Variants in MYRIP observed in about 807,000 individuals in gnomAD.
MYRIP encodes the protein rab effector MyRIP.
A neutral mutation model predicts 98.0 loss-of-function variants in MYRIP; 49 were observed. That is an observed-to-expected ratio of 0.50 (90% CI 0.40 to 0.63). MYRIP has a LOEUF of 0.63. MYRIP is among the 30% of genes least tolerant of loss of function. The pLI is 0.00. For missense variants in MYRIP, 1,004 were observed against 1,058.2 expected (o/e 0.95, Z 0.71); for synonymous variants, 404 against 409.5 (o/e 0.99, Z 0.16).
At chr3:40,017,306 A>G (rs1559562111) in intron 2 of MYRIP, among the ~76,000 whole-genome samples, 3 of 152,188 alleles carry the variant, frequency 2.0e-5, no homozygotes, top group Non-Finnish European at 4.4e-5. Context: ...GACCACTACA[A>G]AACGATGAGT....
intron 2 of MYRIP, among the ~76,000 whole-genome samples, chr3:40,040,105 T>G (rs1200178992): frequency 1.3e-5 from 2 of 152,180 alleles, no homozygotes; most frequent in Non-Finnish European, 2.9e-5. Context: ...ATAAGACCCC[T>G]TTTCCAAATA....
At chr3:39,992,757 T>C (rs560233069) in intron 2 of MYRIP, among the ~76,000 whole-genome samples, 116 of 152,304 alleles carry the variant, frequency 7.6e-4, no homozygotes, top group Non-Finnish European at 1.2e-3. Context: ...ATCTTCTTGT[T>C]TATGGTCCTT....
Position 39,934,311 on chromosome 3 carries a change from T to C in MYRIP, c.110+33385T>C, listed in dbSNP as rs540844479. 3.3e-5 allele frequency among the ~76,000 whole-genome samples: 5 copies of C among 152,286 alleles called. No individual in the cohort carries two copies. In the South Asian group the frequency reaches 1.0e-3, roughly 32 times the overall value. ...AGCTAAGGAGGGCAGAAGAAGCAGA[T>C]GTGATAGGCTTTGTTTTTCATGTCT... On this transcript the variant is annotated intron_variant, in intron 2 of 16. Transcript: ENST00000302541.
chr3:39,877,894 A>G (rs200310365), intron 1 of MYRIP, among the ~76,000 whole-genome samples: 759 of 115,296 alleles, frequency 6.6e-3, no homozygotes, highest in South Asian at 0.014. Context: ...AGGGACATAT[A>G]AGTCTGCAGA....
chr3:40,023,618 T>C (rs545807397), intron 2 of MYRIP, among the ~76,000 whole-genome samples: 82 of 152,186 alleles, frequency 5.4e-4, no homozygotes, highest in African/African-American at 1.9e-3. Flanking sequence ...AGCCGAAAAA[T>C]GACGTCTCCC....
intron 3 of MYRIP, among the ~76,000 whole-genome samples, chr3:40,069,720 C>A (rs1948187427): frequency 6.6e-6 from 1 of 152,162 alleles, no homozygotes; most frequent in Non-Finnish European, 1.5e-5. Flanking sequence ...TGGTCCTCGA[C>A]CTTTTTGGCA....
At chr3:40,104,587 G>A (rs1949018746) in intron 3 of MYRIP, among the ~76,000 whole-genome samples, 1 of 152,138 alleles carries the variant, frequency 6.6e-6, no homozygotes, top group Non-Finnish European at 1.5e-5. Context: ...CCAAACTCTT[G>A]TTTTGTATTT....
intron 2 of MYRIP, among the ~76,000 whole-genome samples, chr3:39,902,223 A>G (rs888057659): frequency 1.3e-5 from 2 of 152,234 alleles, no homozygotes; most frequent in African/African-American, 4.8e-5. Flanking sequence ...TGGACATCCA[A>G]AGGAGATGCC....
chr3:40,049,962 CTG>C (rs1947756338), intron 3 of MYRIP, among the ~76,000 whole-genome samples: 1 of 152,124 alleles, frequency 6.6e-6, no homozygotes. Context: ...TCTGTGAAGA[CTG>C]AGAGAGGTGA....
chr3:39,873,479 G>A (rs1046956883), intron 1 of MYRIP, among the ~76,000 whole-genome samples: 90 of 152,226 alleles, frequency 5.9e-4, no homozygotes, highest in African/African-American at 2.1e-3. Context: ...TAGGTCTAAC[G>A]TTTAAGTCTT....
At chr3:40,043,316 C>T (rs1947587923) in intron 2 of MYRIP, among the ~76,000 whole-genome samples, 1 of 152,068 alleles carries the variant, frequency 6.6e-6, no homozygotes, top group Non-Finnish European at 1.5e-5. Flanking sequence ...GGAAAAACAA[C>T]TCAAACCTGC....
At chr3:40,128,791 G>A (rs1484475708) in intron 3 of MYRIP, among the ~76,000 whole-genome samples, 1 of 152,194 alleles carries the variant, frequency 6.6e-6, no homozygotes, top group Non-Finnish European at 1.5e-5. Context: ...AAATCATCAA[G>A]GTCGTTTTAA....
chr3:39,817,237 G>A (rs1184310567), intron 1 of MYRIP, among the ~76,000 whole-genome samples: 1 of 152,132 alleles, frequency 6.6e-6, no homozygotes, highest in African/African-American at 2.4e-5. Context: ...AACCTGGTAA[G>A]GATCGAAAAA....
At chr3:40,098,637 C>A (rs1275578034) in intron 3 of MYRIP, among the ~76,000 whole-genome samples, 1 of 151,998 alleles carries the variant, frequency 6.6e-6, no homozygotes, top group Non-Finnish European at 1.5e-5. Flanking sequence ...TATGCATATT[C>A]TTCCTGATCA....
chr3:40,176,921 A>AAAG (rs1553622652), intron 8 of MYRIP, among the ~76,000 whole-genome samples: 1 of 145,238 alleles, frequency 6.9e-6, no homozygotes, highest in African/African-American at 2.5e-5. Context: ...AAAAAAAAAA[A>AAAG]AAAAGAAAAG....
intron 2 of MYRIP, among the ~76,000 whole-genome samples, chr3:39,981,036 T>C (rs1945881268): frequency 1.3e-5 from 2 of 152,088 alleles, no homozygotes; most frequent in Admixed American, 6.6e-5. Flanking sequence ...ACAGTTAAGG[T>C]GGTAAATTTT....
intron 1 of MYRIP, among the ~76,000 whole-genome samples, chr3:39,887,611 C>T (rs891430776): frequency 2.0e-5 from 3 of 152,134 alleles, no homozygotes; most frequent in Non-Finnish European, 1.5e-5. Flanking sequence ...CCTTTGAAAA[C>T]TGGCACAAGA....
intron 3 of MYRIP, among the ~76,000 whole-genome samples, chr3:40,114,060 A>C (rs1394891388): frequency 6.6e-6 from 1 of 152,212 alleles, no homozygotes; most frequent in African/African-American, 2.4e-5. Flanking sequence ...CAAAACTTAA[A>C]GGAAAAAATA....
intron 2 of MYRIP, among the ~76,000 whole-genome samples, chr3:39,962,491 G>A (rs1448444846): frequency 6.6e-6 from 1 of 151,522 alleles, no homozygotes; most frequent in Non-Finnish European, 1.5e-5. Flanking sequence ...GAAGGGATGG[G>A]AATTGAGGAC....
Sources: gnomAD v4.1 joint callset for allele counts (sites outside exome capture counted in the v4.1 genomes callset) on GRCh38, gnomAD v4.1.1 for gene constraint, MANE v1.5 for transcripts, NCBI Gene and HGNC (gene_info 2026-07-23, HGNC 2026-07-21) for gene names.